CTNNA1: variants seen among roughly 807,000 people sequenced by gnomAD.
CTNNA1 encodes catenin alpha-1.
CTNNA1 carries 37 observed loss-of-function variants against 98.4 expected under a neutral mutation model. The ratio of observed to expected loss-of-function variants is 0.38; its 90% CI spans 0.29 to 0.49. The LOEUF (loss-of-function observed/expected upper bound fraction) is 0.49. Ranked by LOEUF, CTNNA1 falls within the 20% of genes least tolerant of loss-of-function variation. The pLI is 0.95. For synonymous variants in CTNNA1, 404 were observed against 413.2 expected, an observed-to-expected ratio of 0.98 and a Z score of 0.27; for missense variants, 761 against 1,147.2, an observed-to-expected ratio of 0.66 and a Z score of 4.86.
intron 1 of CTNNA1, among the ~76,000 whole-genome samples, chr5:138,758,422 G>A (rs1240570278): frequency 1.3e-5 from 2 of 151,920 alleles, no homozygotes; most frequent in Non-Finnish European, 2.9e-5. Flanking sequence ...TCTGTCACCA[G>A]GCTGGAGTGC....
chr5:138,915,909 C>T (rs770438645), intron 10 of CTNNA1, among the ~76,000 whole-genome samples: 1 of 151,980 alleles, frequency 6.6e-6, no homozygotes, highest in South Asian at 2.1e-4. Flanking sequence ...ATTAGCCTGG[C>T]GTGGTGGCAC....
At chr5:138,820,336 C>T (rs1759906627) in intron 5 of CTNNA1, among the ~76,000 whole-genome samples, 1 of 151,900 alleles carries the variant, frequency 6.6e-6, no homozygotes, top group Admixed American at 6.6e-5. Context: ...GGTTCCATTT[C>T]CAAGATGGTA....
chr5:138,929,341 TG>T lies in CTNNA1; in HGVS notation c.1997del (p.Gly666AlafsTer56), dbSNP rs1181915653. 6.3e-7 allele frequency: 1 copy of T among 1,590,082 alleles called. No homozygotes were observed. The highest frequency in any genetic ancestry group is 2.2e-5 in the East Asian group (1 of 44,802). On this transcript the variant is annotated frameshift_variant, in exon 14 of 18. Transcript: ENST00000302763. LOFTEE classifies it high-confidence loss of function. ...AGACAGAAGACGATCAGCTGATAGC[TG>T]GCCAGAGTGCCCGGGTAAGGAAGCG... The part of the protein sequence containing the change: ...VQTEDDQLIA[G>X]QSARAIMAQL...
rs769701696 is a variant in CTNNA1 at position 138,873,761 on chromosome 5, G to C, written c.1063-12451G>C. The C allele has an allele frequency of 4.3e-6, 7 of 1,613,996 alleles. No homozygotes were observed. The highest frequency in any genetic ancestry group is 5.1e-6 in the Non-Finnish European group (6 of 1,179,888). ...CGTTTCAAACACTGTCAAGTCGATG[G>C]CTTTGATTTCATTTCCAGTCAGGTC... On this transcript the variant is annotated intron_variant, in intron 7 of 17. Coordinates refer to ENST00000302763, the MANE Select transcript of CTNNA1 (RefSeq NM_001903.5). This position sits in a 1 kb window ranked among gnomAD's most constrained non-coding sequence, Gnocchi z 6.1.
intron 1 of CTNNA1, among the ~76,000 whole-genome samples, chr5:138,781,128 A>G (rs1755051348): frequency 6.6e-6 from 1 of 152,222 alleles, no homozygotes; most frequent in African/African-American, 2.4e-5. Flanking sequence ...ATAGAATAAG[A>G]CAAGTCCTTC....
Position 138,873,120 on chromosome 5 carries a change from G to A in CTNNA1, c.1063-13092G>A. 6.2e-7 allele frequency: 1 copy of A among 1,613,850 alleles called. No individual in the cohort carries two copies. Among genetic ancestry groups the A allele is most frequent in the Non-Finnish European group, 8.5e-7 (1 of 1,179,842 alleles). ...GGTTCATATTCATTATACGGTCCTT[G>A]GTCTGACATGTTTGACATATGGAGT... On this transcript the variant is annotated intron_variant, in intron 7 of 17. Transcript: ENST00000302763. This position sits in a 1 kb window ranked among gnomAD's most constrained non-coding sequence, Gnocchi z 6.1.
intron 1 of CTNNA1, among the ~76,000 whole-genome samples, chr5:138,781,488 G>A (rs1286913284): frequency 8.6e-5 from 13 of 151,982 alleles, no homozygotes; most frequent in African/African-American, 1.9e-4. Context: ...CCCAGGAGGC[G>A]GAGCTTGCAG....
In CTNNA1 at chr5:138,925,353, C is replaced by T. The variant is rs150965493; in HGVS notation, c.1845C>T (p.Ser615=). 4,826 of 1,614,154 alleles carry T rather than the reference C, an allele frequency of 3.0e-3. 17 individuals carry two copies. Among genetic ancestry groups the T allele is most frequent in the Non-Finnish European group, 3.7e-3 (4,421 of 1,180,050 alleles). Residue 615 remains serine (S), a synonymous_variant, in exon 13 of 18, where the codon TCC becomes TCT. Coordinates refer to ENST00000302763, the MANE Select transcript of CTNNA1 (RefSeq NM_001903.5). ...ATGAGAATGAGTTTATCGATGCTTC[C>T]CGCCTGGTATATGATGGCATCCGGG... ...PMDENEFIDA[S]RLVYDGIRDI...
chr5:138,932,158 G>A (rs1765492676), intron 16 of CTNNA1: 3 of 996,722 alleles, frequency 3.0e-6, no homozygotes, highest in African/African-American at 3.5e-5. Context: ...TGTTTACTTA[G>A]CTAAAAACAT....
chr5:138,782,981 C>T (rs1442529732), intron 2 of CTNNA1, among the ~76,000 whole-genome samples, 196 bp from the exon 3 acceptor site: 1 of 152,110 alleles, frequency 6.6e-6, no homozygotes, highest in East Asian at 1.9e-4. Context: ...TCTCTGTACA[C>T]ATTAAGAAAG....
intron 1 of CTNNA1, among the ~76,000 whole-genome samples, chr5:138,776,960 A>C (rs1228928312): frequency 6.7e-5 from 7 of 105,122 alleles, no homozygotes; most frequent in African/African-American, 2.0e-4. Flanking sequence ...TGACTCCCCC[A>C]CCTCCCTCCC....
chr5:138,925,149 C>T, intron 12 of CTNNA1, 107 bp from the exon 13 acceptor site: 1 of 1,205,234 alleles, frequency 8.3e-7, no homozygotes, highest in Non-Finnish European at 1.2e-6. Context: ...GAAGCAGAGG[C>T]TCATCATAAG....
At chr5:138,872,904 G>T in intron 7 of CTNNA1, 2 of 772,912 alleles carry the variant, frequency 2.6e-6, no homozygotes, top group Non-Finnish European at 3.9e-6. Flanking sequence ...ACTTAGTTTG[G>T]AAAATTAGGC....
chr5:138,859,175 C>G (rs1039831137), intron 7 of CTNNA1, among the ~76,000 whole-genome samples: 1 of 152,192 alleles, frequency 6.6e-6, no homozygotes, highest in Non-Finnish European at 1.5e-5. Context: ...CAGTCATTTT[C>G]ATGAATTAAG....
At position 138,837,102 on chromosome 5, in the gene CTNNA1, A is replaced by ATT. The variant is rs1761851435; in HGVS notation, c.1062+9384_1062+9385insTT. On this transcript the variant is annotated intron_variant, in intron 7 of 17. Coordinates refer to ENST00000302763, the MANE Select transcript of CTNNA1 (RefSeq NM_001903.5). ...GTCCTTTCGAGGTAATGATTCATTCAGGACTAGTTTGGCTAAAGTGGTTAG... is the reference window on the plus strand; with the variant it reads ...GTCCTTTCGAGGTAATGATTCATTCATTGGACTAGTTTGGCTAAAGTGGTTAG... Among the ~76,000 whole-genome samples, 3 of 152,186 alleles carry ATT rather than the reference A, an allele frequency of 2.0e-5. No homozygotes were observed. In the South Asian group the frequency reaches 6.2e-4, roughly 32 times the overall value.
intron 7 of CTNNA1, among the ~76,000 whole-genome samples, chr5:138,876,280 C>G (rs1317068571): frequency 6.6e-6 from 1 of 152,184 alleles, no homozygotes. Context: ...ACCCTAGTTC[C>G]CAGCCACCAA....
chr5:138,886,793 T>TAATG (rs1357254353), intron 8 of CTNNA1, among the ~76,000 whole-genome samples: 1 of 152,184 alleles, frequency 6.6e-6, no homozygotes, highest in East Asian at 1.9e-4. Context: ...TCGAACCTTT[T>TAATG]AATGATAAAT....
chr5:138,904,274 G>T, intron 9 of CTNNA1, 75 bp from the exon 10 acceptor site: 1 of 1,506,532 alleles, frequency 6.6e-7, no homozygotes, highest in East Asian at 2.4e-5. Context: ...ATGGTCAGAG[G>T]TAGGGCCAGG....
intron 7 of CTNNA1, among the ~76,000 whole-genome samples, chr5:138,859,575 C>T (rs1764071728): frequency 6.6e-6 from 1 of 152,164 alleles, no homozygotes; most frequent in African/African-American, 2.4e-5. Flanking sequence ...CTAATGTGTT[C>T]CACTTAATAG....
Sources: gnomAD v4.1 joint callset for allele counts (sites outside exome capture counted in the v4.1 genomes callset) on GRCh38, gnomAD v4.1.1 for gene constraint, Gnocchi (gnomAD v3.1) non-coding constraint, MANE v1.5 for transcripts, NCBI Gene and HGNC (gene_info 2026-07-23, HGNC 2026-07-21) for gene names.